Variants in GSE1 observed in about 807,000 individuals in gnomAD.
The protein encoded by GSE1 is Gse1 coiled-coil protein, also known as genetic suppressor element 1.
A neutral mutation model predicts 112.6 loss-of-function variants in GSE1; 32 were observed. The ratio of observed to expected loss-of-function variants is 0.28; its 90% CI spans 0.21 to 0.38. GSE1 has a LOEUF of 0.38. Among genes scored for constraint, GSE1 ranks in the 10% least tolerant of loss-of-function variants. The pLI is 1.00. For synonymous variants in GSE1, 1,115 were observed against 735.6 expected (o/e 1.52, Z -8.35); for missense variants, 2,348 against 1,699.2 (o/e 1.38, Z -6.71).
chr16:85,291,893 T>C (rs1268128447), intron 1 of GSE1, among the ~76,000 whole-genome samples: 6 of 152,190 alleles, frequency 3.9e-5, no homozygotes, highest in African/African-American at 1.4e-4. Flanking sequence ...CTGCTTTTAT[T>C]AGAGCCGGCT....
At chr16:85,483,858 G>A (rs959287523) in intron 2 of GSE1, among the ~76,000 whole-genome samples, 3 of 152,252 alleles carry the variant, frequency 2.0e-5, no homozygotes, top group Non-Finnish European at 2.9e-5. Context: ...GCAGTCCTCG[G>A]TGTACCGTCC....
intron 1 of GSE1, among the ~76,000 whole-genome samples, chr16:85,312,204 C>CTGG (rs1785806461): frequency 1.8e-5 from 1 of 55,780 alleles, no homozygotes; most frequent in Admixed American, 1.6e-4. Context: ...GATCCTCTTG[C>CTGG]GGGGGGGGGG....
rs778022757 is a variant in GSE1, at chr16:85,416,926, G to T, written c.2464+59283G>T. ...GCCGGGGTGCAGTGGCACGATCATG[G>T]TCGCTGCAGCCTCAACCTCCCAGGC... On this transcript the variant is annotated intron_variant, in intron 2 of 2. Coordinates refer to the GSE1 transcript ENST00000637419. Among the ~76,000 whole-genome samples the T allele has an allele frequency of 1.4e-4, 22 of 152,164 alleles. 1 individual carries two copies. The highest frequency in any genetic ancestry group is 1.4e-3 in the Admixed American group (22 of 15,280).
chr16:85,305,228 C>T (rs1167136588), intron 1 of GSE1, among the ~76,000 whole-genome samples: 1 of 152,248 alleles, frequency 6.6e-6, no homozygotes, highest in Non-Finnish European at 1.5e-5. Context: ...ATGTCCTGGC[C>T]TCGTTCCAGT....
chr16:85,199,180 C>T (rs2074983079), intron 1 of GSE1, among the ~76,000 whole-genome samples: 1 of 152,114 alleles, frequency 6.6e-6, no homozygotes, highest in Non-Finnish European at 1.5e-5. Context: ...TTGTCTCAAC[C>T]TCCTGACCTC....
chr16:85,653,061 C>A (rs369918263), intron 3 of GSE1, among the ~76,000 whole-genome samples: 6 of 150,844 alleles, frequency 4.0e-5, no homozygotes, highest in Non-Finnish European at 1.5e-5. Flanking sequence ...CTGGGCAGTG[C>A]TGTCCCCACA....
intron 2 of GSE1, among the ~76,000 whole-genome samples, chr16:85,364,522 G>T (rs1274861017): frequency 1.3e-5 from 2 of 152,212 alleles, no homozygotes; most frequent in Non-Finnish European, 2.9e-5. Context: ...GGCACCCCCG[G>T]TGCCGTAACA....
chr16:85,507,872 G>T (rs1160139356), intron 2 of GSE1, among the ~76,000 whole-genome samples: 1 of 152,138 alleles, frequency 6.6e-6, no homozygotes, highest in Non-Finnish European at 1.5e-5. Flanking sequence ...AAATGGATGC[G>T]TCATATTCAT....
At chr16:85,368,043 G>C (rs1023789482) in intron 2 of GSE1, among the ~76,000 whole-genome samples, 2 of 151,954 alleles carry the variant, frequency 1.3e-5, no homozygotes, top group Non-Finnish European at 2.9e-5. Flanking sequence ...TAGTAGAGAC[G>C]GGGTTACTCC....
At chr16:85,210,493 G>A (rs2075206320) in intron 1 of GSE1, among the ~76,000 whole-genome samples, 1 of 152,164 alleles carries the variant, frequency 6.6e-6, no homozygotes, top group South Asian at 2.1e-4. Flanking sequence ...GGAGGCTGAG[G>A]TAGGAGGATT....
rs528628514 is a variant in GSE1, at chr16:85,662,652, G to C, written c.2261-329G>C. ...AGCATGGGGGAGTGCATGTGCACAA[G>C]CAGCCCTGTGTTGCCGTGGACACAG... is the stretch of plus-strand genomic sequence containing the variant. On this transcript the variant is annotated intron_variant, in intron 9 of 15. Coordinates refer to ENST00000253458, the MANE Select transcript of GSE1 (RefSeq NM_014615.5). 26 of 294,938 alleles carry C rather than the reference G, an allele frequency of 8.8e-5. No individual in the cohort carries two copies. In the South Asian group the frequency reaches 1.6e-3, roughly 18 times the overall value. 18.3% of individuals were successfully genotyped at this position (294,938 alleles called of 1,614,324 possible).
intron 2 of GSE1, among the ~76,000 whole-genome samples, chr16:85,526,788 C>A (rs116141780): frequency 3.3e-5 from 5 of 152,328 alleles, no homozygotes; most frequent in African/African-American, 9.6e-5. Flanking sequence ...TTACAGGCGA[C>A]CAGAGCCGAT....
At position 85,237,924 on chromosome 16, in the gene GSE1, C is replaced by T. The variant is rs138151160; in HGVS notation, c.2283+66117C>T. Among the ~76,000 whole-genome samples, 215 of 152,148 alleles carry T rather than the reference C, an allele frequency of 1.4e-3. 2 individuals are homozygous for T. Among genetic ancestry groups the T allele is most frequent in the African/African-American group, 4.9e-3 (202 of 41,508 alleles). ...GGCCTATCTGCTGCTCCAACCCCAGCGTCATGAACAGGGCCTGGGACATCG... is the reference window on the plus strand; with the variant it reads ...GGCCTATCTGCTGCTCCAACCCCAGTGTCATGAACAGGGCCTGGGACATCG... On this transcript the variant is annotated intron_variant, in intron 1 of 2. Coordinates refer to the GSE1 transcript ENST00000637419.
At chr16:85,459,881 G>C (rs1334610753) in intron 2 of GSE1, among the ~76,000 whole-genome samples, 1 of 152,228 alleles carries the variant, frequency 6.6e-6, no homozygotes, top group Non-Finnish European at 1.5e-5. Flanking sequence ...CAGGGAAGCT[G>C]AGCGATTCCC....
At chr16:85,668,036 A>G in intron 13 of GSE1, 104 bp from the exon 14 acceptor site, 1 of 834,460 alleles carries the variant, frequency 1.2e-6, no homozygotes, top group East Asian at 2.5e-5. Flanking sequence ...GGAGCCCTGC[A>G]GTCATGTTGA....
At chr16:85,411,144 G>T (rs2048529691) in intron 2 of GSE1, among the ~76,000 whole-genome samples, 2 of 102,078 alleles carry the variant, frequency 2.0e-5, no homozygotes, top group African/African-American at 1.0e-4. Context: ...TACACTCAGG[G>T]CCCCCCTGGA....
chr16:85,249,550 C>T (rs558118578), intron 1 of GSE1, among the ~76,000 whole-genome samples: 1 of 152,334 alleles, frequency 6.6e-6, no homozygotes, highest in East Asian at 1.9e-4. Context: ...CCAGCGCCAG[C>T]ACCAGCACCA....
At chr16:85,235,555 GAC>G (rs1904531547) in intron 1 of GSE1, among the ~76,000 whole-genome samples, 1 of 121,490 alleles carries the variant, frequency 8.2e-6, no homozygotes, top group Admixed American at 9.5e-5. Flanking sequence ...GTGATAAAGG[GAC>G]TATATGTGTG....
intron 1 of GSE1, among the ~76,000 whole-genome samples, chr16:85,313,947 TGACATAGCCTA>T (rs1197334249): frequency 4.4e-5 from 6 of 137,444 alleles, no homozygotes; most frequent in African/African-American, 1.6e-4. Context: ...TGTGTGTGTG[TGACATAGCCTA>T]GTGTGTGTGT....
Sources: gnomAD v4.1 joint callset for allele counts (sites outside exome capture counted in the v4.1 genomes callset) on GRCh38, gnomAD v4.1.1 for gene constraint, MANE v1.5 for transcripts, NCBI Gene and HGNC (gene_info 2026-07-23, HGNC 2026-07-21) for gene names.